Variants in PTPRC observed in about 807,000 individuals in gnomAD.
PTPRC encodes the protein protein tyrosine phosphatase receptor type C.
A neutral mutation model predicts 155.9 loss-of-function variants in PTPRC; 44 were observed. The observed-to-expected ratio is 0.28, with a 90% CI of 0.22 to 0.36. The LOEUF (loss-of-function observed/expected upper bound fraction) is 0.36, where lower values mean the gene tolerates loss of function less well. Among genes scored for constraint, PTPRC ranks in the 10% least tolerant of loss-of-function variants. PTPRC has a pLI of 1.00. For missense variants in PTPRC, 1,401 were observed against 1,564.6 expected (o/e 0.90, Z 1.76); for synonymous variants, 525 against 533.1 (o/e 0.98, Z 0.21).
rs189803923 is a variant in PTPRC, at chr1:198,750,230, T to C, written c.3073-262T>C. 7.0e-5 allele frequency: 32 copies of C among 460,246 alleles called. 1 individual carries two copies. The highest frequency in any genetic ancestry group is 6.4e-4 in the South Asian group (29 of 45,256). The allele number at this position is 460,246 out of a possible 1,614,324, so 28.5% of individuals were successfully genotyped here. A position where few individuals can be genotyped will look rare whatever the true frequency, so the allele number is the denominator to read the frequency against. The stretch of plus-strand genomic sequence containing the variant: ...TAACCTTTATAGAGAAACAAAAATG[T>C]GTGTCTTTTGTGGAAAGGAAAATTT... On this transcript the variant is annotated intron_variant, in intron 28 of 32. Transcript: ENST00000442510.
chr1:198,746,984 A>T (rs1480591275), intron 26 of PTPRC, among the ~76,000 whole-genome samples: 2 of 151,820 alleles, frequency 1.3e-5, no homozygotes, highest in African/African-American at 4.8e-5. Flanking sequence ...TGCTGAAAAA[A>T]TATATGTCTA....
Position 198,752,636 on chromosome 1 carries a change from T to C in PTPRC, c.3373T>C (p.Trp1125Arg), listed in dbSNP as rs1455290898. The change falls in exon 31 of 33, where the codon TGG becomes CGG. Residue 1125 changes from tryptophan to arginine, a missense_variant. This residue lies in a region of PTPRC where 400 missense variants were observed against 389.5 expected (regional missense o/e 1.03). Transcript: ENST00000442510. ...RTVYQYQYTN[W>R]SVEQLPAEPK... ...TGTGTACCAGTACCAATATACAAAC[T>C]GGAGTGTGGAGCAGCTTCCTGCAGA... 1 of 1,612,826 alleles carries C rather than the reference T, an allele frequency of 6.2e-7. No homozygotes were observed. Among genetic ancestry groups the C allele is most frequent in the Non-Finnish European group, 8.5e-7 (1 of 1,179,350 alleles).
intron 15 of PTPRC, among the ~76,000 whole-genome samples, chr1:198,722,771 T>C (rs1371260044): frequency 6.6e-6 from 1 of 151,810 alleles, no homozygotes; most frequent in Non-Finnish European, 1.5e-5. Context: ...AATATCGTCA[T>C]GTTAGTAACA....
chr1:198,689,884 G>T (rs141477531), intron 2 of PTPRC, among the ~76,000 whole-genome samples: 2 of 152,104 alleles, frequency 1.3e-5, no homozygotes, highest in Non-Finnish European at 2.9e-5. Flanking sequence ...AAATGTCATT[G>T]CAGATGACTA....
chr1:198,674,813 T>A (rs762971177), intron 2 of PTPRC, among the ~76,000 whole-genome samples: 2 of 152,126 alleles, frequency 1.3e-5, no homozygotes, highest in Non-Finnish European at 2.9e-5. Context: ...TTGCTCTTCA[T>A]TTGGCTTCCT....
intron 24 of PTPRC, 55 bp from the exon 25 acceptor site, chr1:198,742,176 AC>A: frequency 6.2e-7 from 1 of 1,610,934 alleles, no homozygotes; most frequent in Admixed American, 1.7e-5. Flanking sequence ...TATTGGCTTC[AC>A]ACCTGACAGC....
chr1:198,695,218 C>G (rs1190560044), intron 3 of PTPRC: 1 of 868,270 alleles, frequency 1.2e-6, no homozygotes, highest in Non-Finnish European at 1.4e-6. Context: ...AATTTTCATT[C>G]TTAACTCTTT....
chr1:198,659,571 A>T (rs1326276), intron 2 of PTPRC, among the ~76,000 whole-genome samples: 31 of 145,966 alleles, frequency 2.1e-4, no homozygotes, highest in Non-Finnish European at 2.2e-4. Flanking sequence ...TTTTTTTTTC[A>T]TTGCCCAGGC....
At chr1:198,642,904 CTTCCTTTCTTTCTTTCTTTCTTT>C (rs1557960117) in intron 2 of PTPRC, among the ~76,000 whole-genome samples, 58 of 143,558 alleles carry the variant, frequency 4.0e-4, no homozygotes, top group South Asian at 1.6e-3. Flanking sequence ...TTCTTTCTTT[CTTCCTTTCTTTCTTTCTTTCTTT>C]CTTTCTTTCT....
intron 3 of PTPRC, chr1:198,693,993 A>G (rs545108324): frequency 1.9e-6 from 3 of 1,544,110 alleles, no homozygotes; most frequent in Admixed American, 2.0e-5. Flanking sequence ...TTGACACACA[A>G]TCACGAGGTG....
chr1:198,720,445 T>G (rs12134631), intron 14 of PTPRC, among the ~76,000 whole-genome samples: 2,053 of 152,284 alleles, frequency 0.013, 25 homozygotes, highest in Non-Finnish European at 0.016. Flanking sequence ...TTCTCCTGCC[T>G]CAGCCTCCCA....
At chr1:198,722,320 T>G in intron 14 of PTPRC, 96 bp from the exon 15 acceptor site, 1 of 565,232 alleles carries the variant, frequency 1.8e-6, no homozygotes, top group African/African-American at 2.0e-5. Context: ...GTATGAAAGA[T>G]AATATAAATG....
chr1:198,728,219 T>G, intron 15 of PTPRC, 121 bp from the exon 16 acceptor site: 1 of 753,940 alleles, frequency 1.3e-6, no homozygotes, highest in Non-Finnish European at 2.0e-6. Context: ...AATGTTTATT[T>G]TTTAAAACCT....
intron 2 of PTPRC, among the ~76,000 whole-genome samples, chr1:198,656,406 G>C (rs1663569549): frequency 6.6e-6 from 1 of 152,084 alleles, no homozygotes; most frequent in South Asian, 2.1e-4. Context: ...TTTGCATATA[G>C]AAGAAATAGC....
At chr1:198,641,605 G>A (rs1381937870) in intron 2 of PTPRC, among the ~76,000 whole-genome samples, 3 of 152,006 alleles carry the variant, frequency 2.0e-5, no homozygotes, top group Non-Finnish European at 4.4e-5. Context: ...CTCTTGCTCT[G>A]TGCCTCTTTG....
chr1:198,718,678 A>G (rs72738060), intron 14 of PTPRC, among the ~76,000 whole-genome samples: 2,102 of 152,274 alleles, frequency 0.014, 25 homozygotes, highest in Non-Finnish European at 0.016. Context: ...AAAATTTCAC[A>G]GGTACCTTGA....
chr1:198,697,140 G>A (rs953145980), intron 4 of PTPRC, among the ~76,000 whole-genome samples: 1 of 152,146 alleles, frequency 6.6e-6, no homozygotes, highest in African/African-American at 2.4e-5. Flanking sequence ...GATCTCCAAG[G>A]ACAATCAGGA....
rs1653149764 is a variant in PTPRC, at chr1:198,709,063, A to G, written c.1034-624A>G. On this transcript the variant is annotated intron_variant, in intron 10 of 32. Coordinates refer to ENST00000442510, the MANE Select transcript of PTPRC (RefSeq NM_002838.5). ...GAGCAATCATGACAGACCAATGATAAAATGTTCTCTCTAGACAATCTATTA... is the reference window on the plus strand; with the variant it reads ...GAGCAATCATGACAGACCAATGATAGAATGTTCTCTCTAGACAATCTATTA... Among the ~76,000 whole-genome samples the G allele has an allele frequency of 1.3e-5, 2 of 152,248 alleles. 1 individual carries two copies. The highest frequency in any genetic ancestry group is 4.1e-4 in the South Asian group (2 of 4,838).
intron 14 of PTPRC, among the ~76,000 whole-genome samples, chr1:198,720,319 CT>C (rs36120730): frequency 6.6e-6 from 1 of 152,006 alleles, no homozygotes; most frequent in African/African-American, 2.4e-5. Flanking sequence ...TATCATATAA[CT>C]TTTTAAAAAA....
Sources: gnomAD v4.1 joint callset for allele counts (sites outside exome capture counted in the v4.1 genomes callset) on GRCh38, gnomAD v4.1.1 for gene constraint, gnomAD v4.1.1 regional missense constraint, MANE v1.5 for transcripts, NCBI Gene and HGNC (gene_info 2026-07-23, HGNC 2026-07-21) for gene names.